Variants in TRIM6 observed in about 807,000 individuals in gnomAD.
The protein encoded by TRIM6 is tripartite motif containing 6.
In TRIM6, 43 loss-of-function variants were observed where a neutral mutation model predicts 51.2. The ratio of observed to expected loss-of-function variants is 0.84; its 90% CI spans 0.66 to 1.08. The LOEUF (loss-of-function observed/expected upper bound fraction) is 1.08. TRIM6 is among the 50% of genes least tolerant of loss of function. The probability of loss-of-function intolerance (pLI) is 0.00; values close to 1 mark genes in which losing one functional copy is unlikely to be tolerated. For missense variants in TRIM6, 669 were observed against 619.0 expected (o/e 1.08, Z -0.86); for synonymous variants, 215 against 232.4 (o/e 0.93, Z 0.68).
Position 5,598,707 on chromosome 11 carries a change from A to G in TRIM6, c.17+1793A>G, listed in dbSNP as rs1168189025. On this transcript the variant is annotated intron_variant, in intron 1 of 7. Transcript: ENST00000380097. ...GCCACACTTCAAATGCTCAAGAGCCATATCTGGCTACATGTTTGACAACAC... is the reference window on the plus strand; with the variant it reads ...GCCACACTTCAAATGCTCAAGAGCCGTATCTGGCTACATGTTTGACAACAC... Among the ~76,000 whole-genome samples the G allele has an allele frequency of 2.6e-5, 4 of 152,232 alleles. No homozygotes were observed. In the East Asian group the frequency reaches 5.8e-4, roughly 22 times the overall value.
chr11:5,602,251 T>C lies in TRIM6; in HGVS notation c.18-995T>C, dbSNP rs192471501. On this transcript the variant is annotated intron_variant, in intron 1 of 7. Coordinates refer to ENST00000380097, the MANE Select transcript of TRIM6 (RefSeq NM_001003818.3). ...GTCAGGAGATCGAGACCATCCTGGC[T>C]AACACAGTGAAACCTCATCTCTACT... Among the ~76,000 whole-genome samples the C allele has an allele frequency of 3.5e-3, 525 of 151,398 alleles. 4 individuals are homozygous for C. Among genetic ancestry groups the C allele is most frequent in the African/African-American group, 0.012 (500 of 41,406 alleles).
At position 5,611,341 on chromosome 11, in the gene TRIM6, G is replaced by T; in HGVS notation, c.1550G>T (p.Ter517LeuextTer19). 6.2e-7 allele frequency: 1 copy of T among 1,610,806 alleles called. No individual in the cohort carries two copies. Among genetic ancestry groups the T allele is most frequent in the East Asian group, 2.2e-5 (1 of 44,862 alleles). Reference protein sequence around the residue: ...IPMTLRRPSS* With the variant: ...IPMTLRRPSSL ...ATGACCCTGCGTCGTCCAAGCTCTT[G>T]AATATTCTTCTGTTCCCACCCACTT... The change falls in exon 8 of 8, where the codon TGA becomes TTA. Residue 517 changes from the stop codon to leucine, a stop_lost. Transcript: ENST00000380097.
Position 5,610,791 on chromosome 11 carries a change from A to C in TRIM6, c.1000A>C (p.Asn334His). 1 of 1,614,090 alleles carries C rather than the reference A, an allele frequency of 6.2e-7. No individual in the cohort carries two copies. Among genetic ancestry groups the C allele is most frequent in the Non-Finnish European group, 8.5e-7 (1 of 1,179,992 alleles). The change falls in exon 8 of 8, where the codon AAT becomes CAT. Residue 334 changes from asparagine to histidine, a missense_variant. Transcript: ENST00000380097. ...VQSYWVDVTLNPHTANLNLVL... is the reference protein window; with the variant it reads ...VQSYWVDVTLHPHTANLNLVL... The stretch of plus-strand genomic sequence containing the variant: ...TTTTCCTACAGTTGACGTGACCCTG[A>C]ATCCACACACAGCTAATTTAAATCT...
rs750786258 is a variant in TRIM6, at chr11:5,608,356, T to A, written c.835-16T>A. 1.2e-6 allele frequency: 2 copies of A among 1,613,394 alleles called. No individual in the cohort carries two copies. Among genetic ancestry groups the A allele is most frequent in the South Asian group, 1.1e-5 (1 of 91,032 alleles). On this transcript the variant is annotated splice_polypyrimidine_tract_variant and intron_variant, in intron 4 of 7. Coordinates refer to ENST00000380097, the MANE Select transcript of TRIM6 (RefSeq NM_001003818.3). ...ACCTGTTACTCCTTGACTTAACCTG[T>A]CTTTTTCCTTCCTAGGATGTGAGTG...
At chr11:5,605,235 TTGGCCCAGGAAAGCAGTCC>T (rs1848134168) in intron 3 of TRIM6, 83 bp from the exon 4 acceptor site, 2 of 1,514,298 alleles carry the variant, frequency 1.3e-6, no homozygotes, top group Non-Finnish European at 1.8e-6. Context: ...CCTGGGAGGC[TTGGCCCAGGAAAGCAGTCC>T]TGAGCCCAAC....
intron 5 of TRIM6, among the ~76,000 whole-genome samples, chr11:5,608,698 C>CA (rs953172189): frequency 1.5e-4 from 22 of 149,522 alleles, no homozygotes; most frequent in African/African-American, 4.4e-4. Flanking sequence ...CTCAAACAAA[C>CA]AAAAAAAAAT....
At chr11:5,609,384 T>A (rs1050254142) in intron 5 of TRIM6, among the ~76,000 whole-genome samples, 4 of 152,128 alleles carry the variant, frequency 2.6e-5, no homozygotes, top group African/African-American at 9.7e-5. Flanking sequence ...GCCCACAGAC[T>A]CTTCTGAAGA....
chr11:5,599,280 C>T (rs185473959), intron 1 of TRIM6, among the ~76,000 whole-genome samples: 6 of 152,066 alleles, frequency 3.9e-5, no homozygotes, highest in Admixed American at 1.3e-4. Context: ...GAATTGGGTA[C>T]GCTAAATACA....
chr11:5,610,438 G>T, intron 6 of TRIM6, 97 bp from the exon 7 acceptor site: 1 of 1,605,044 alleles, frequency 6.2e-7, no homozygotes, highest in South Asian at 1.1e-5. Flanking sequence ...ATCCTCACAG[G>T]ATTCCTCACC....
chr11:5,598,701 A>G (rs891772680), intron 1 of TRIM6, among the ~76,000 whole-genome samples: 10 of 152,342 alleles, frequency 6.6e-5, no homozygotes, highest in Middle Eastern at 3.4e-3. Context: ...CAAATGCTCA[A>G]GAGCCATATC....
intron 4 of TRIM6, among the ~76,000 whole-genome samples, chr11:5,605,843 G>A (rs1291845769): frequency 1.3e-5 from 2 of 152,280 alleles, no homozygotes; most frequent in Middle Eastern, 6.8e-3. Flanking sequence ...ATCCAGTGAT[G>A]TTGTTCTTTC....
rs1450514021 is a variant in TRIM6, at chr11:5,612,653, A to G, written c.*1311A>G. Reference sequence around the variant, plus strand: ...TATGACTTTGGTAGAGAGGTGCAATATGTTTTTTGAACCAGCTATAAAAGA... The same window carrying G: ...TATGACTTTGGTAGAGAGGTGCAATGTGTTTTTTGAACCAGCTATAAAAGA... On this transcript the variant is annotated 3_prime_UTR_variant, in exon 8 of 8. Transcript: ENST00000380097. The G allele has an allele frequency of 1.3e-5, 2 of 152,190 alleles. No individual in the cohort carries two copies. The highest frequency in any genetic ancestry group is 2.4e-5 in the African/African-American group (1 of 41,456). 9.4% of individuals were successfully genotyped at this position (152,190 alleles called of 1,614,324 possible).
Position 5,596,770 on chromosome 11 carries a change from T to G in TRIM6, c.-128T>G. ...CGGAGCAGAGTCGTGCGTGGTTGAGTTTAGATAAAAGCCGAGTGAGCGCGC... is the reference window on the plus strand; with the variant it reads ...CGGAGCAGAGTCGTGCGTGGTTGAGGTTAGATAAAAGCCGAGTGAGCGCGC... On this transcript the variant is annotated 5_prime_UTR_variant, in exon 1 of 8. Coordinates refer to ENST00000380097, the MANE Select transcript of TRIM6 (RefSeq NM_001003818.3). The G allele has an allele frequency of 2.1e-6, 3 of 1,442,466 alleles. No homozygotes were observed. Among genetic ancestry groups the G allele is most frequent in the Non-Finnish European group, 2.9e-6 (3 of 1,033,668 alleles). The allele number at this position is 1,442,466 out of a possible 1,614,324, so 89.4% of individuals were successfully genotyped here. A position where few individuals can be genotyped will look rare whatever the true frequency, so the allele number is the denominator to read the frequency against.
At chr11:5,610,474 A>C in intron 6 of TRIM6, 61 bp from the exon 7 acceptor site, 1 of 1,613,166 alleles carries the variant, frequency 6.2e-7, no homozygotes, top group Non-Finnish European at 8.5e-7. Flanking sequence ...GTAAGGAGAG[A>C]GATACCAGAC....
intron 1 of TRIM6, among the ~76,000 whole-genome samples, chr11:5,601,036 T>C (rs1202039196): frequency 1.3e-5 from 2 of 152,206 alleles, no homozygotes; most frequent in African/African-American, 4.8e-5. Context: ...AAGGTCATAT[T>C]TCTCAATGAA....
At chr11:5,610,372 A>AG in intron 6 of TRIM6, 127 bp downstream of exon 6, 1 of 1,560,916 alleles carries the variant, frequency 6.4e-7, no homozygotes, top group Non-Finnish European at 8.7e-7. Context: ...GGAGGGACAT[A>AG]GTGTGCTGAA....
Position 5,596,798 on chromosome 11 carries a change from T to C in TRIM6, c.-100T>C. On this transcript the variant is annotated 5_prime_UTR_variant, in exon 1 of 8. Coordinates refer to ENST00000380097, the MANE Select transcript of TRIM6 (RefSeq NM_001003818.3). ...AGATAAAAGCCGAGTGAGCGCGCTC[T>C]GTTCCTTAAGATTAGTTTAAGGTGC... is the stretch of plus-strand genomic sequence containing the variant. The C allele has an allele frequency of 1.3e-6, 2 of 1,590,544 alleles. No homozygotes were observed. Among genetic ancestry groups the C allele is most frequent in the Non-Finnish European group, 1.7e-6 (2 of 1,160,482 alleles).
chr11:5,602,169 A>G (rs10769112), intron 1 of TRIM6, among the ~76,000 whole-genome samples: 32,226 of 152,154 alleles, frequency 0.21, 3,772 homozygotes, highest in African/African-American at 0.31. Context: ...GACCGGGTGC[A>G]GTGGCTCATG....
chr11:5,604,853 C>T, intron 3 of TRIM6: 2 of 502,978 alleles, frequency 4.0e-6, no homozygotes, highest in Non-Finnish European at 6.9e-6. Context: ...AGCAGAGGAA[C>T]CATGGCTAGG....
Sources: allele counts gnomAD v4.1 joint callset (sites outside exome capture counted in the v4.1 genomes callset), GRCh38; gene constraint gnomAD v4.1.1; transcripts MANE v1.5; gene names NCBI Gene and HGNC (gene_info 2026-07-23, HGNC 2026-07-21).